Variants in RMC1 observed in about 807,000 individuals in gnomAD.
RMC1 encodes the protein regulator of MON1-CCZ1, also known as regulator of MON1-CCZ1 complex.
RMC1 carries 44 observed loss-of-function variants against 95.5 expected under a neutral mutation model. The ratio of observed to expected loss-of-function variants is 0.46; its 90% CI spans 0.36 to 0.59. The LOEUF (loss-of-function observed/expected upper bound fraction) is 0.59, where lower values mean the gene tolerates loss of function less well. RMC1 is among the 20% of genes least tolerant of loss of function. RMC1 has a pLI of 0.00. For synonymous variants in RMC1, 320 were observed against 303.6 expected (o/e 1.05, Z -0.56); for missense variants, 705 against 819.6 (o/e 0.86, Z 1.71).
chr18:23,531,002 A>T (rs912785171), intron 19 of RMC1, among the ~76,000 whole-genome samples: 6 of 148,874 alleles, frequency 4.0e-5, no homozygotes, highest in Non-Finnish European at 1.5e-5. Context: ...GATCATTCTC[A>T]TTTTTTTTTT....
chr18:23,507,687 T>A (rs1352246141), intron 3 of RMC1, among the ~76,000 whole-genome samples: 1 of 152,178 alleles, frequency 6.6e-6, no homozygotes, highest in Non-Finnish European at 1.5e-5. Context: ...AGCCTCTTAG[T>A]GCAGCAACAC....
chr18:23,529,384 A>T (rs1428866788), intron 15 of RMC1, 86 bp downstream of exon 15: 2 of 1,502,228 alleles, frequency 1.3e-6, no homozygotes, highest in African/African-American at 2.8e-5. Flanking sequence ...ATGTGATTAG[A>T]GTCACTTGAA....
intron 5 of RMC1, among the ~76,000 whole-genome samples, chr18:23,514,787 TAAAA>T (rs1160251728): frequency 1.3e-5 from 2 of 152,072 alleles, no homozygotes; most frequent in African/African-American, 4.8e-5. Context: ...AGAAAAAAGT[TAAAA>T]AGAAAGAAGA....
chr18:23,503,528 C>A lies in RMC1; in HGVS notation c.-91C>A, dbSNP rs922750406. ...CCGGGCCCAGAGCCGCAGCCGCAGCCGCCGCTACAGTCCGGGCCGGGCTCC... is the reference window on the plus strand; with the variant it reads ...CCGGGCCCAGAGCCGCAGCCGCAGCAGCCGCTACAGTCCGGGCCGGGCTCC... On this transcript the variant is annotated 5_prime_UTR_variant, in exon 1 of 20. Coordinates refer to ENST00000269221, the MANE Select transcript of RMC1 (RefSeq NM_013326.5). 7.1e-6 allele frequency: 6 copies of A among 850,482 alleles called. No homozygotes were observed. The East Asian group carries it at 1.5e-4, about 21-fold the overall frequency. The allele number at this position is 850,482 out of a possible 1,614,324, so 52.7% of individuals were successfully genotyped here.
intron 5 of RMC1, among the ~76,000 whole-genome samples, chr18:23,513,254 G>A (rs772440190): frequency 7.2e-5 from 11 of 152,096 alleles, no homozygotes; most frequent in African/African-American, 2.4e-4. Flanking sequence ...GTGTCCGGCC[G>A]AATTTGATTA....
At chr18:23,523,553 AAAAAAAAAAAAAAAAAG>A (rs1461503976) in intron 10 of RMC1, among the ~76,000 whole-genome samples, 5 of 112,736 alleles carry the variant, frequency 4.4e-5, no homozygotes, top group Admixed American at 3.5e-4. Context: ...CAAAAAAAAA[AAAAAAAAAAAAAAAAAG>A]AAAAAAAGTT....
chr18:23,506,014 A>G (rs2057705197), intron 2 of RMC1, among the ~76,000 whole-genome samples: 1 of 152,014 alleles, frequency 6.6e-6, no homozygotes, highest in Non-Finnish European at 1.5e-5. Context: ...TAAAAATACA[A>G]AAATTAGCCA....
chr18:23,523,019 T>C (rs2058184887), intron 10 of RMC1: 1 of 152,232 alleles, frequency 6.6e-6, no homozygotes, highest in African/African-American at 2.4e-5. Context: ...TAGGATCATC[T>C]GGGGGGCCTT....
chr18:23,518,368 T>C (rs2058063516), intron 7 of RMC1, among the ~76,000 whole-genome samples: 1 of 152,116 alleles, frequency 6.6e-6, no homozygotes, highest in Non-Finnish European at 1.5e-5. Flanking sequence ...GGCACGTGCA[T>C]GTAGTCCTAG....
At chr18:23,512,599 CTT>C (rs761104196) in intron 5 of RMC1, among the ~76,000 whole-genome samples, 7 of 141,836 alleles carry the variant, frequency 4.9e-5, no homozygotes, top group East Asian at 2.0e-4. Context: ...TTTTTTTTTC[CTT>C]TTTTTTTTTT....
intron 11 of RMC1, 62 bp downstream of exon 11, chr18:23,524,236 G>A: frequency 6.3e-7 from 1 of 1,584,582 alleles, no homozygotes. Flanking sequence ...TCAGAGAGTG[G>A]TCCTGAAGTC....
chr18:23,529,057 GAA>G (rs1468865511), intron 14 of RMC1, 120 bp from the exon 15 acceptor site: 2 of 1,459,548 alleles, frequency 1.4e-6, no homozygotes, highest in Middle Eastern at 1.9e-4. Flanking sequence ...TCTAAGTAGA[GAA>G]AGTGTTTTCC....
rs146723809 is a variant in RMC1 at position 23,520,268 on chromosome 18, G to C, written c.916G>C (p.Val306Leu). 3.7e-5 allele frequency: 60 copies of C among 1,613,898 alleles called. No homozygotes were observed. The African/African-American group carries it at 6.8e-4, about 18-fold the overall frequency. ...CGGCTCCGTTACCTTCCACCACCCC[G>C]TGCTTCCCGCTCGATCGATCCAGCC... ...FDGSVTFHHP[V>L]LPARSIQPYQ... Residue 306 changes from valine to leucine, a missense_variant, in exon 10 of 20, where the codon GTG becomes CTG. By Grantham distance (32) the Val-to-Leu change is conservative. Transcript: ENST00000269221.
At chr18:23,510,531 C>A (rs1056683819) in intron 5 of RMC1, among the ~76,000 whole-genome samples, 5 of 152,000 alleles carry the variant, frequency 3.3e-5, no homozygotes, top group Non-Finnish European at 7.4e-5. Flanking sequence ...CCTGTAATCC[C>A]AGCTACTAGG....
chr18:23,512,141 C>T (rs1208134776), intron 5 of RMC1, among the ~76,000 whole-genome samples: 1 of 151,642 alleles, frequency 6.6e-6, no homozygotes, highest in Non-Finnish European at 1.5e-5. Flanking sequence ...CTGCCTCAGC[C>T]TCCCAAGTAG....
chr18:23,516,507 T>C (rs960318286), intron 7 of RMC1, 84 bp downstream of exon 7: 5 of 1,386,972 alleles, frequency 3.6e-6, no homozygotes, highest in Non-Finnish European at 5.1e-6. Context: ...AAGCACCACG[T>C]GATGCCCTGA....
upstream of RMC1, chr18:23,503,508 C>T (rs910316499): frequency 1.3e-5 from 8 of 632,074 alleles, no homozygotes; most frequent in East Asian, 2.4e-4. Context: ...CCGCGCCGGG[C>T]CCAGAGCCGC....
rs1273098326 is a variant in RMC1, at chr18:23,527,857, C to T, written c.1252C>T (p.His418Tyr). 1.2e-6 allele frequency: 2 copies of T among 1,614,074 alleles called. No individual in the cohort carries two copies. The highest frequency in any genetic ancestry group is 1.7e-5 in the Admixed American group (1 of 60,008). ...VIATVFDKLN[H>Y]EYKKYLDAEQ... Reference sequence around the variant, plus strand: ...AGCCACTGTTTTTGATAAACTCAACCATGAGTATAAAAAGTACCTGGATGC... The same window carrying T: ...AGCCACTGTTTTTGATAAACTCAACTATGAGTATAAAAAGTACCTGGATGC... Residue 418 changes from histidine (H) to tyrosine (Y), a missense_variant, in exon 14 of 20, where the codon CAT becomes TAT. Coordinates refer to ENST00000269221, the MANE Select transcript of RMC1 (RefSeq NM_013326.5).
rs1046907199 is a variant in RMC1 at position 23,531,693 on chromosome 18, A to G, written c.1963A>G (p.Thr655Ala). 60 of 1,609,526 alleles carry G rather than the reference A, an allele frequency of 3.7e-5. No homozygotes were observed. The highest frequency in any genetic ancestry group is 4.6e-5 in the Non-Finnish European group (54 of 1,179,092). Residue 655 changes from threonine (T) to alanine (A), a missense_variant, in exon 20 of 20, where the codon ACA (threonine) becomes GCA (alanine). Transcript: ENST00000269221. ...TGGAGACCAAGCTCTAATGAGGCCT[A>G]CAACATTCTGAAATCACTTGCTGTT... ...IFGDQALMRP[T>A]TF is the part of the protein sequence containing the mutation.
Sources: allele counts gnomAD v4.1 joint callset (sites outside exome capture counted in the v4.1 genomes callset), GRCh38; gene constraint gnomAD v4.1.1; transcripts MANE v1.5; gene names NCBI Gene and HGNC (gene_info 2026-07-23, HGNC 2026-07-21).